COL16A1: variants seen among roughly 807,000 people sequenced by gnomAD.
COL16A1 encodes collagen type XVI alpha 1 chain.
A neutral mutation model predicts 266.3 loss-of-function variants in COL16A1; 189 were observed. That is an observed-to-expected ratio of 0.71 (90% CI 0.63 to 0.80). The LOEUF is 0.80. Ranked by LOEUF, COL16A1 falls within the 30% of genes least tolerant of loss-of-function variation. The probability of loss-of-function intolerance (pLI) is 0.00; values close to 1 mark genes in which losing one functional copy is unlikely to be tolerated. For missense variants in COL16A1, 1,928 were observed against 2,122.4 expected, an observed-to-expected ratio of 0.91 and a Z score of 1.80; for synonymous variants, 740 against 782.3, an observed-to-expected ratio of 0.95 and a Z score of 0.90.
chr1:31,684,191 A>C lies in COL16A1; in HGVS notation c.2201T>G (p.Val734Gly). ...CTACPSLQGTVTDMAGRPGQP... is the reference protein window; with the variant it reads ...CTACPSLQGTGTDMAGRPGQP... ...CCCAGGCCGTCCTGCCATGTCTGTCACTGTCCCCTGCAGGCTGGGGCAGGC... is the reference window on the plus strand; with the variant it reads ...CCCAGGCCGTCCTGCCATGTCTGTCCCTGTCCCCTGCAGGCTGGGGCAGGC... Residue 734 changes from valine (V) to glycine (G), a missense_variant, in exon 32 of 71, where the codon GTG becomes GGG. Val to Gly is a moderately radical substitution (Grantham distance 109, BLOSUM62 -3). Transcript: ENST00000373672. 2 of 1,538,320 alleles carry C rather than the reference A, an allele frequency of 1.3e-6. No individual in the cohort carries two copies. Among genetic ancestry groups the C allele is most frequent in the Non-Finnish European group, 1.8e-6 (2 of 1,139,886 alleles).
In COL16A1 at chr1:31,668,889, C is replaced by T. The variant is rs200825439; in HGVS notation, c.3196-34G>A. On this transcript the variant is annotated intron_variant, in intron 49 of 70. Coordinates refer to ENST00000373672, the MANE Select transcript of COL16A1 (RefSeq NM_001856.4). This position sits in a 1 kb window ranked among gnomAD's most constrained non-coding sequence, Gnocchi z 5.8. ...GAAAAATCATGAGAAACTGCAGGAGCCGGCGGTCCCCACCCAGCCCCTGAC... is the reference window on the plus strand; with the variant it reads ...GAAAAATCATGAGAAACTGCAGGAGTCGGCGGTCCCCACCCAGCCCCTGAC... The T allele has an allele frequency of 6.7e-5, 107 of 1,602,052 alleles. 1 individual carries two copies. The Admixed American group carries it at 1.6e-3, about 24-fold the overall frequency.
rs1382947193 is a variant in COL16A1, at chr1:31,663,368, A to C, written c.3556-710T>G. On this transcript the variant is annotated intron_variant, in intron 56 of 70. Coordinates refer to ENST00000373672, the MANE Select transcript of COL16A1 (RefSeq NM_001856.4). The surrounding 1 kb of genome is among the most constrained non-coding windows in gnomAD (Gnocchi z 4.9). ...TGGGATTGGGCAGGTGGAGGAGAAA[A>C]GTGCATGCCAGAGGGAACCTAAGAG... The C allele has an allele frequency of 6.6e-6, 1 of 152,380 alleles. No homozygotes were observed. Among genetic ancestry groups the C allele is most frequent in the Non-Finnish European group, 1.5e-5 (1 of 68,192 alleles). The allele number at this position is 152,380 out of a possible 1,614,324, so 9.4% of individuals were successfully genotyped here. A position where few individuals can be genotyped will look rare whatever the true frequency, so the allele number is the denominator to read the frequency against.
rs750457642 is a variant in COL16A1 at position 31,696,147 on chromosome 1, C to A, written c.865-6G>T. ...CCCGTCAGCTGGGCATCCACCTGGG[C>A]AGACAGAGCAAAGAGAAACCCTTGA... On this transcript the variant is annotated splice_region_variant and splice_polypyrimidine_tract_variant and intron_variant, in intron 8 of 70. Transcript: ENST00000373672. 1.9e-6 allele frequency: 3 copies of A among 1,612,718 alleles called. No individual in the cohort carries two copies. In the African/African-American group the frequency reaches 4.0e-5, roughly 22 times the overall value.
chr1:31,653,655 T>A lies in COL16A1; in HGVS notation c.4556A>T (p.Glu1519Val), dbSNP rs2148638625. ...AATGCCAATACCAATGTCCCCTTTT[T>A]CACCTTTGGTACCAGGCAATCCTGG... is the stretch of plus-strand genomic sequence containing the variant. ...GVRGLPGTKG[E>V]KGDIGIGIAG... The change falls in exon 70 of 71, where the codon GAA becomes GTA. Residue 1519 changes from glutamate to valine, a missense_variant. Around this residue, in one of 2 missense-constraint regions of COL16A1, gnomAD observed 376 missense variants for 485.2 expected, o/e 0.77. Coordinates refer to ENST00000373672, the MANE Select transcript of COL16A1 (RefSeq NM_001856.4). 1 of 1,613,796 alleles carries A rather than the reference T, an allele frequency of 6.2e-7. No homozygotes were observed. The highest frequency in any genetic ancestry group is 1.1e-5 in the South Asian group (1 of 91,066).
At chr1:31,683,921 C>T (rs376181421) in intron 33 of COL16A1, 29 bp downstream of exon 33, 74 of 1,613,918 alleles carry the variant, frequency 4.6e-5, no homozygotes, top group Middle Eastern at 1.7e-4. Context: ...CACGTAGCTA[C>T]GGCCCAGGGC....
rs529211816 is a variant in COL16A1 at position 31,685,825 on chromosome 1, C to T, written c.1885-55G>A. ...TCCCCCAGGCCCTAGTGCACTTGAGCGAGGTTTGGAATCTAGGGCTGGGGA... is the reference window on the plus strand; with the variant it reads ...TCCCCCAGGCCCTAGTGCACTTGAGTGAGGTTTGGAATCTAGGGCTGGGGA... On this transcript the variant is annotated intron_variant, in intron 28 of 70. Coordinates refer to ENST00000373672, the MANE Select transcript of COL16A1 (RefSeq NM_001856.4). This position sits in a 1 kb window ranked among gnomAD's most constrained non-coding sequence, Gnocchi z 4.0. 29 of 1,600,446 alleles carry T rather than the reference C, an allele frequency of 1.8e-5. No homozygotes were observed. The highest frequency in any genetic ancestry group is 3.3e-4 in the Middle Eastern group (2 of 6,004).
At chr1:31,653,698 A>C (rs1417774483) in intron 69 of COL16A1, 22 bp from the exon 70 acceptor site, 25 of 1,609,902 alleles carry the variant, frequency 1.6e-5, no homozygotes, top group Non-Finnish European at 2.1e-5. Context: ...GAAATAAATA[A>C]GTCCTATCCC....
At position 31,685,331 on chromosome 1, in the gene COL16A1, CAG is replaced by C. The variant is rs1643914342; in HGVS notation, c.2016+306_2016+307del. On this transcript the variant is annotated intron_variant, in intron 29 of 70. Coordinates refer to ENST00000373672, the MANE Select transcript of COL16A1 (RefSeq NM_001856.4). The surrounding 1 kb of genome is among the most constrained non-coding windows in gnomAD (Gnocchi z 4.0). ...ACTAGGCTTTACTCTGTGCAGGAAA[CAG>C]AGGTGGAGAGAAGGTGACTTGCTCA... is the stretch of plus-strand genomic sequence containing the variant. 6.6e-6 allele frequency among the ~76,000 whole-genome samples: 1 copy of C among 152,210 alleles called. No individual in the cohort carries two copies. Among genetic ancestry groups the C allele is most frequent in the South Asian group, 2.1e-4 (1 of 4,826 alleles).
rs1347516182 is a variant in COL16A1 at position 31,655,355 on chromosome 1, G to T, written c.4249C>A (p.Pro1417Thr). The T allele has an allele frequency of 1.2e-6, 2 of 1,612,832 alleles. No homozygotes were observed. Among genetic ancestry groups the T allele is most frequent in the South Asian group, 2.2e-5 (2 of 90,878 alleles). ...GERGHPGAPG[P>T]SGSPGLPGVP... is the part of the protein sequence containing the mutation. ...CCAGGCAAGCCAGGGCTCCCCGAAG[G>T]CCCCGGAGCTCCAGGGTGGCCTCTC... Residue 1417 changes from proline (P) to threonine (T), a missense_variant, in exon 67 of 71, where the codon CCT becomes ACT. Pro to Thr is a conservative substitution (Grantham distance 38, BLOSUM62 -1). Coordinates refer to ENST00000373672, the MANE Select transcript of COL16A1 (RefSeq NM_001856.4).
rs200677062 is a variant in COL16A1, at chr1:31,667,576, G to A, written c.3356C>T (p.Pro1119Leu). Residue 1119 changes from proline (P) to leucine (L), a missense_variant and splice_region_variant, in exon 52 of 71, where the codon CCG (proline) becomes CTG (leucine). By Grantham distance (98) the Pro-to-Leu change is moderately conservative (BLOSUM62 -3). Transcript: ENST00000373672. ...CAGCCCCACGCCGCTGGGACTCACC[G>A]GCTCTCCTTTCTCTCCCGCTGACCC... is the stretch of plus-strand genomic sequence containing the variant. ...YTGSAGEKGE[P>L]GPPGSEGLPG... The A allele has an allele frequency of 3.6e-4, 581 of 1,596,216 alleles. 2 individuals are homozygous for A. Among genetic ancestry groups the A allele is most frequent in the Non-Finnish European group, 4.5e-4 (528 of 1,172,274 alleles).
chr1:31,656,013 CAT>C lies in COL16A1; in HGVS notation c.4101+385_4101+386del, dbSNP rs1641113382. On this transcript the variant is annotated intron_variant, in intron 66 of 70. Transcript: ENST00000373672. This position sits in a 1 kb window ranked among gnomAD's most constrained non-coding sequence, Gnocchi z 4.2. ...CCTCTCATCCCACAGCGCTATGTCT[CAT>C]GTCTTCTGGAAAACTTGCCAATCCC... 3.0e-6 allele frequency: 1 copy of C among 333,810 alleles called. No individual in the cohort carries two copies. Among genetic ancestry groups the C allele is most frequent in the African/African-American group, 2.2e-5 (1 of 45,316 alleles). The allele number at this position is 333,810 out of a possible 1,614,324, so 20.7% of individuals were successfully genotyped here. A position where few individuals can be genotyped will look rare whatever the true frequency, so the allele number is the denominator to read the frequency against.
chr1:31,703,525 G>A (rs958156783), intron 1 of COL16A1, among the ~76,000 whole-genome samples: 17 of 152,254 alleles, frequency 1.1e-4, no homozygotes, highest in African/African-American at 3.1e-4. Flanking sequence ...ATGTGGAGGC[G>A]TGAGGATGGA....
chr1:31,679,976 G>A (rs1241444579), intron 40 of COL16A1, 66 bp downstream of exon 40: 50 of 1,598,154 alleles, frequency 3.1e-5, no homozygotes, highest in Non-Finnish European at 3.9e-5. Flanking sequence ...TGCACACTGG[G>A]CACCAGACGA....
Position 31,699,815 on chromosome 1 carries a change from C to T in COL16A1, c.264G>A (p.Thr88=), listed in dbSNP as rs200053034. 1.2e-5 allele frequency: 19 copies of T among 1,591,790 alleles called. No homozygotes were observed. The highest frequency in any genetic ancestry group is 6.7e-5 in the African/African-American group (5 of 74,526). The change falls in exon 4 of 71, where the codon ACG becomes ACA. Residue 88 remains threonine, a splice_region_variant and synonymous_variant. Transcript: ENST00000373672. ...RLGAAPVTQP[T]RRVFPRGLPE... is the part of the protein sequence containing the mutation. Reference sequence around the variant, plus strand: ...AGTGGTCACATGGATGCATTTACCGCGTGGGCTGGGTCACGGGGGCCGCCC... The same window carrying T: ...AGTGGTCACATGGATGCATTTACCGTGTGGGCTGGGTCACGGGGGCCGCCC...
At chr1:31,676,257 G>A (rs1012095212) in intron 42 of COL16A1, among the ~76,000 whole-genome samples, 10 of 150,924 alleles carry the variant, frequency 6.6e-5, no homozygotes, top group Non-Finnish European at 1.2e-4. Flanking sequence ...CCTGGGAGAT[G>A]GAGGTTGCAG....
At position 31,670,415 on chromosome 1, in the gene COL16A1, G is replaced by T; in HGVS notation, c.3195+187C>A. The stretch of plus-strand genomic sequence containing the variant: ...GAGGGAGAGGAGAAAACGGAAAGGA[G>T]TCAGAGACTGGGAGGATGTCCAAGC... On this transcript the variant is annotated intron_variant, in intron 49 of 70. Transcript: ENST00000373672. This position sits in a 1 kb window ranked among gnomAD's most constrained non-coding sequence, Gnocchi z 4.5. 1.7e-6 allele frequency: 1 copy of T among 601,360 alleles called. No homozygotes were observed. The highest frequency in any genetic ancestry group is 2.6e-6 in the Non-Finnish European group (1 of 384,770). The allele number at this position is 601,360 out of a possible 1,614,324, so 37.3% of individuals were successfully genotyped here. A position where few individuals can be genotyped will look rare whatever the true frequency, so the allele number is the denominator to read the frequency against.
At chr1:31,680,600 C>T (rs1333215343) in intron 39 of COL16A1, among the ~76,000 whole-genome samples, 2 of 152,162 alleles carry the variant, frequency 1.3e-5, no homozygotes, top group Non-Finnish European at 2.9e-5. Context: ...ATGCAGCTGC[C>T]CTCCTAAGGG....
At chr1:31,678,858 G>T (rs1333225476) in intron 42 of COL16A1, among the ~76,000 whole-genome samples, 1 of 152,180 alleles carries the variant, frequency 6.6e-6, no homozygotes, top group Non-Finnish European at 1.5e-5. Context: ...CAGGCTGCCT[G>T]CCTCTGGAAT....
intron 62 of COL16A1, among the ~76,000 whole-genome samples, chr1:31,659,341 A>T (rs757542330): frequency 6.6e-6 from 1 of 151,968 alleles, no homozygotes; most frequent in African/African-American, 2.4e-5. Flanking sequence ...CTGCTGTTCT[A>T]TGGAGGAGGG....
Sources: gnomAD v4.1 joint callset for allele counts (sites outside exome capture counted in the v4.1 genomes callset) on GRCh38, gnomAD v4.1.1 for gene constraint, gnomAD v4.1.1 regional missense constraint, Gnocchi (gnomAD v3.1) non-coding constraint, MANE v1.5 for transcripts, NCBI Gene and HGNC (gene_info 2026-07-23, HGNC 2026-07-21) for gene names.